PTPRD: variants seen among roughly 807,000 people sequenced by gnomAD.
PTPRD encodes the protein receptor-type tyrosine-protein phosphatase delta.
In PTPRD, 34 loss-of-function variants were observed where a neutral mutation model predicts 214.5. The observed-to-expected ratio is 0.16, with a 90% CI of 0.12 to 0.21. PTPRD has a LOEUF of 0.21. Among genes scored for constraint, PTPRD ranks in the 10% least tolerant of loss-of-function variants. PTPRD has a pLI of 1.00. For synonymous variants in PTPRD, 1,128 were observed against 845.7 expected (o/e 1.33, Z -5.79); for missense variants, 2,545 against 2,398.7 (o/e 1.06, Z -1.27).
chr9:8,471,813 T>A (rs16927961), intron 30 of PTPRD, among the ~76,000 whole-genome samples: 1,718 of 152,262 alleles, frequency 0.011, 20 homozygotes, highest in African/African-American at 0.034. Flanking sequence ...AAGGCACCCA[T>A]CCACAAATAG....
At chr9:9,221,349 C>G (rs765301952) in intron 9 of PTPRD, among the ~76,000 whole-genome samples, 6 of 152,016 alleles carry the variant, frequency 3.9e-5, no homozygotes, top group Non-Finnish European at 7.4e-5. Context: ...AACTTTACTT[C>G]CTCAGGTAAA....
chr9:8,381,447 C>T (rs2085052448), intron 37 of PTPRD, among the ~76,000 whole-genome samples: 1 of 152,160 alleles, frequency 6.6e-6, no homozygotes, highest in Non-Finnish European at 1.5e-5. Context: ...CAGTGATTCT[C>T]TTTTAACAAC....
intron 10 of PTPRD, among the ~76,000 whole-genome samples, chr9:9,074,666 G>C (rs2099748431): frequency 6.6e-6 from 1 of 151,958 alleles, no homozygotes; most frequent in South Asian, 2.1e-4. Flanking sequence ...GTCTTCTTTT[G>C]AGAAATGTCT....
chr9:8,803,364 G>A (rs950846584), intron 11 of PTPRD, among the ~76,000 whole-genome samples: 1 of 152,060 alleles, frequency 6.6e-6, no homozygotes, highest in Non-Finnish European at 1.5e-5. Flanking sequence ...TATGATTACT[G>A]AAATCAGTGA....
chr9:9,708,280 T>A (rs533096440), intron 7 of PTPRD, among the ~76,000 whole-genome samples: 11 of 152,232 alleles, frequency 7.2e-5, no homozygotes, highest in Non-Finnish European at 1.3e-4. Context: ...TCTTTCTCTC[T>A]ACCTGGAGTT....
At chr9:9,238,621 A>C (rs1332361639) in intron 9 of PTPRD, among the ~76,000 whole-genome samples, 1 of 152,108 alleles carries the variant, frequency 6.6e-6, no homozygotes, top group Non-Finnish European at 1.5e-5. Flanking sequence ...ACCACTGAAA[A>C]ATATGACTTC....
At chr9:9,981,989 T>G (rs1407797841) in intron 4 of PTPRD, among the ~76,000 whole-genome samples, 1 of 152,216 alleles carries the variant, frequency 6.6e-6, no homozygotes, top group Non-Finnish European at 1.5e-5. Flanking sequence ...AAAAATTACT[T>G]GATTAATTAT....
intron 2 of PTPRD, among the ~76,000 whole-genome samples, chr9:10,579,824 G>A (rs557637210): frequency 3.3e-5 from 5 of 152,120 alleles, no homozygotes; most frequent in African/African-American, 4.8e-5. Context: ...GATAATTCTC[G>A]TGGTTTTGAT....
chr9:9,215,331 A>T (rs2099951473), intron 9 of PTPRD, among the ~76,000 whole-genome samples: 1 of 152,214 alleles, frequency 6.6e-6, no homozygotes, highest in Non-Finnish European at 1.5e-5. Context: ...TGGAGCTACA[A>T]GAGAACTGGA....
At chr9:9,403,542 C>A (rs2071868493) in intron 8 of PTPRD, among the ~76,000 whole-genome samples, 1 of 151,886 alleles carries the variant, frequency 6.6e-6, no homozygotes. Context: ...GACTCTATTT[C>A]ATTTCTCCCT....
chr9:10,164,125 G>A (rs2099144940), intron 3 of PTPRD, among the ~76,000 whole-genome samples: 1 of 151,386 alleles, frequency 6.6e-6, no homozygotes, highest in African/African-American at 2.4e-5. Context: ...CTGGATATCA[G>A]TGCATAAAAA....
chr9:8,449,216 G>A (rs536876199), intron 34 of PTPRD, among the ~76,000 whole-genome samples: 15 of 151,840 alleles, frequency 9.9e-5, no homozygotes, highest in African/African-American at 3.6e-4. Flanking sequence ...ATTTAGTATA[G>A]GTAATATTTA....
At chr9:10,096,240 G>C (rs2098482925) in intron 3 of PTPRD, among the ~76,000 whole-genome samples, 1 of 151,654 alleles carries the variant, frequency 6.6e-6, no homozygotes, top group South Asian at 2.1e-4. Flanking sequence ...TATAAATTGA[G>C]ATACATATCT....
intron 10 of PTPRD, among the ~76,000 whole-genome samples, chr9:9,156,447 T>C (rs1254532042): frequency 6.6e-6 from 1 of 151,264 alleles, no homozygotes; most frequent in African/African-American, 2.4e-5. Flanking sequence ...AAAAAGTATT[T>C]ATAAAAATAC....
At chr9:9,257,776 C>A (rs542519190) in intron 9 of PTPRD, among the ~76,000 whole-genome samples, 1 of 151,736 alleles carries the variant, frequency 6.6e-6, no homozygotes, top group Non-Finnish European at 1.5e-5. Context: ...AAAATGAGAC[C>A]CTGTCTCAAT....
At chr9:9,659,543 C>T (rs543087751) in intron 7 of PTPRD, among the ~76,000 whole-genome samples, 62 of 151,956 alleles carry the variant, frequency 4.1e-4, no homozygotes, top group African/African-American at 1.5e-3. Context: ...TTTTAAACCC[C>T]TGGGCATTCC....
intron 2 of PTPRD, among the ~76,000 whole-genome samples, chr9:10,445,978 A>C (rs1413632633): frequency 1.3e-5 from 2 of 152,080 alleles, no homozygotes; most frequent in Non-Finnish European, 2.9e-5. Flanking sequence ...GTGTGTATTC[A>C]GAAGTGAAAA....
At chr9:9,902,245 A>G (rs2076575234) in intron 5 of PTPRD, among the ~76,000 whole-genome samples, 1 of 152,090 alleles carries the variant, frequency 6.6e-6, no homozygotes, top group African/African-American at 2.4e-5. Flanking sequence ...TTTCTTATCT[A>G]TTTTTAATTT....
intron 5 of PTPRD, among the ~76,000 whole-genome samples, chr9:9,831,242 G>A (rs1488777507): frequency 6.6e-6 from 1 of 151,936 alleles, no homozygotes; most frequent in Non-Finnish European, 1.5e-5. Context: ...TAAATTCTCT[G>A]CTAAAGGAAC....
Sources: gnomAD v4.1 joint callset for allele counts (sites outside exome capture counted in the v4.1 genomes callset) on GRCh38, gnomAD v4.1.1 for gene constraint, MANE v1.5 for transcripts, NCBI Gene and HGNC (gene_info 2026-07-23, HGNC 2026-07-21) for gene names.